PCLO: variants seen among roughly 807,000 people sequenced by gnomAD.
PCLO encodes the protein piccolo presynaptic cytomatrix protein, also known as protein piccolo.
A neutral mutation model predicts 427.5 loss-of-function variants in PCLO; 82 were observed. The ratio of observed to expected loss-of-function variants is 0.19; its 90% CI spans 0.16 to 0.23. PCLO has a LOEUF of 0.23. PCLO is among the 10% of genes least tolerant of loss of function. The pLI, the probability that PCLO is intolerant of heterozygous loss-of-function variation, is 1.00. For synonymous variants in PCLO, 2,357 were observed against 2,155.4 expected (o/e 1.09, Z -2.59); for missense variants, 6,239 against 6,115.9 (o/e 1.02, Z -0.67).
In PCLO at chr7:83,145,328, G is replaced by C. The variant is rs1437917941; in HGVS notation, c.1893+9420C>G. ...GAAAAAACAAGTACTCTTAAACCTT[G>C]ATTTTTTTTAAACTAAGTATTCTGA... On this transcript the variant is annotated intron_variant, in intron 2 of 24. Transcript: ENST00000333891. 2.6e-5 allele frequency among the ~76,000 whole-genome samples: 4 copies of C among 152,060 alleles called. No individual in the cohort carries two copies. The South Asian group carries it at 8.3e-4, about 31-fold the overall frequency.
At chr7:82,987,338 TAAGTA>T (rs1261713434) in intron 3 of PCLO, among the ~76,000 whole-genome samples, 2 of 151,974 alleles carry the variant, frequency 1.3e-5, no homozygotes, top group African/African-American at 4.8e-5. Flanking sequence ...CTGGGGGACT[TAAGTA>T]AAGTAATGCA....
At chr7:82,941,760 C>T (rs2116385280) in intron 6 of PCLO, among the ~76,000 whole-genome samples, 1 of 152,172 alleles carries the variant, frequency 6.6e-6, no homozygotes, top group Non-Finnish European at 1.5e-5. Flanking sequence ...TCCAAATATA[C>T]CCCAAACTTT....
rs1484777010 is a variant in PCLO at position 83,162,530 on chromosome 7, C to A, written c.63G>T (p.Ala21=). The A allele has an allele frequency of 1.3e-6, 2 of 1,554,660 alleles. No individual in the cohort carries two copies. Among genetic ancestry groups the A allele is most frequent in the Non-Finnish European group, 1.7e-6 (2 of 1,150,412 alleles). ...GLPEGLAAAA[A]AGGGASGAGS... is the part of the protein sequence containing the mutation. ...CCGCCCCGCTAGCTCCTCCTCCAGC[C>A]GCTGCGGCCGCCGCCAGCCCTTCGG... is the stretch of plus-strand genomic sequence containing the variant. The change falls in exon 1 of 25, where the codon GCG becomes GCT. Residue 21 remains alanine, a synonymous_variant. Coordinates refer to ENST00000333891, the MANE Select transcript of PCLO (RefSeq NM_033026.6).
chr7:82,833,462 C>T (rs1316405508), intron 16 of PCLO, among the ~76,000 whole-genome samples: 1 of 152,066 alleles, frequency 6.6e-6, no homozygotes, highest in African/African-American at 2.4e-5. Flanking sequence ...CTTATCTTGC[C>T]TGACATTTTG....
intron 3 of PCLO, among the ~76,000 whole-genome samples, chr7:83,077,783 A>G (rs1392411511): frequency 6.6e-6 from 1 of 152,100 alleles, no homozygotes; most frequent in African/African-American, 2.4e-5. Flanking sequence ...ATTGTTTTCT[A>G]TAAAAGTCAG....
At chr7:82,914,585 C>A in intron 7 of PCLO, 101 bp downstream of exon 7, 1 of 1,182,690 alleles carries the variant, frequency 8.5e-7, no homozygotes, top group East Asian at 2.5e-5. Context: ...AAAGACACAC[C>A]AAGAAAAGTA....
chr7:83,162,794 C>A lies in PCLO; in HGVS notation c.-202G>T. ...TCGCAGGTAACGCCCGCTGCCGGTG[C>A]CTCCTCCATGTTGGACAGCGCCAGG... On this transcript the variant is annotated 5_prime_UTR_variant, in exon 1 of 25. Coordinates refer to ENST00000333891, the MANE Select transcript of PCLO (RefSeq NM_033026.6). 1.5e-6 allele frequency: 1 copy of A among 646,616 alleles called. No homozygotes were observed. The highest frequency in any genetic ancestry group is 2.6e-6 in the Non-Finnish European group (1 of 390,714). The allele number at this position is 646,616 out of a possible 1,614,324, so 40.1% of individuals were successfully genotyped here.
intron 3 of PCLO, among the ~76,000 whole-genome samples, chr7:83,019,793 T>C (rs542158446): frequency 1.3e-5 from 2 of 152,204 alleles, no homozygotes; most frequent in South Asian, 4.1e-4. Flanking sequence ...TTCTACAGAA[T>C]AAATTATGAC....
Position 82,953,154 on chromosome 7 carries a change from G to A in PCLO, c.7799C>T (p.Ala2600Val). Residue 2600 changes from alanine (A) to valine (V), a missense_variant, in exon 5 of 25, where the codon GCA becomes GTA. Transcript: ENST00000333891. Reference protein sequence around the residue: ...GTPTDSSASQAITSWPLGSPS... With the variant: ...GTPTDSSASQVITSWPLGSPS... The stretch of plus-strand genomic sequence containing the variant: ...TGATCCCAAGGGCCAACTGGTAATT[G>A]CTTGACTAGCAGAAGAATCTGTTGG... 6.2e-7 allele frequency: 1 copy of A among 1,613,992 alleles called. No homozygotes were observed. Among genetic ancestry groups the A allele is most frequent in the Non-Finnish European group, 8.5e-7 (1 of 1,179,882 alleles).
chr7:82,818,077 A>G (rs1791713345), intron 20 of PCLO, among the ~76,000 whole-genome samples: 1 of 136,558 alleles, frequency 7.3e-6, no homozygotes, highest in Non-Finnish European at 1.6e-5. Flanking sequence ...AACCAAACCA[A>G]CTAGCATGGG....
rs1021317805 is a variant in PCLO at position 82,916,848 on chromosome 7, G to C, written c.11138C>G (p.Ser3713Cys). The change falls in exon 7 of 25, where the codon TCC (serine) becomes TGC (cysteine). Residue 3713 changes from serine to cysteine, a missense_variant. Ser to Cys is a moderately radical substitution (Grantham distance 112, BLOSUM62 -1). Around this residue, in one of 5 missense-constraint regions of PCLO, gnomAD observed 4,677 missense variants for 4,468.4 expected, o/e 1.05. Transcript: ENST00000333891. Reference sequence around the variant, plus strand: ...TTTAACTTTTTTCTGGGCTCCAGAGGATGTCATGGTTTGAGAACCTTTAGT... The same window carrying C: ...TTTAACTTTTTTCTGGGCTCCAGAGCATGTCATGGTTTGAGAACCTTTAGT... ...YTTKGSQTMT[S>C]SGAQKKVKRT... 1.2e-6 allele frequency: 2 copies of C among 1,612,994 alleles called. No individual in the cohort carries two copies. Among genetic ancestry groups the C allele is most frequent in the Non-Finnish European group, 1.7e-6 (2 of 1,179,274 alleles).
chr7:82,891,967 G>A (rs1317745765), intron 9 of PCLO, among the ~76,000 whole-genome samples: 1 of 152,068 alleles, frequency 6.6e-6, no homozygotes, highest in Non-Finnish European at 1.5e-5. Flanking sequence ...CTCATGGGTA[G>A]GAAGAATCAA....
At chr7:82,819,977 A>T (rs1791756131) in intron 20 of PCLO, among the ~76,000 whole-genome samples, 2 of 152,208 alleles carry the variant, frequency 1.3e-5, no homozygotes, top group Non-Finnish European at 1.5e-5. Context: ...AGATAATTGT[A>T]TAATCACCCT....
At chr7:82,821,530 T>C in intron 20 of PCLO, 1 of 983,912 alleles carries the variant, frequency 1.0e-6, no homozygotes, top group Non-Finnish European at 1.2e-6. Context: ...GCCTGGCTAA[T>C]GCCTTTTAGA....
intron 9 of PCLO, 50 bp from the exon 10 acceptor site, chr7:82,879,512 T>C (rs760166311): frequency 1.4e-6 from 2 of 1,391,430 alleles, no homozygotes; most frequent in East Asian, 4.9e-5. Context: ...GAAGGGACAA[T>C]AGTTATCACA....
rs1788223438 is a variant in PCLO at position 83,016,916 on chromosome 7, A to G, written c.3301-50429T>C. Among the ~76,000 whole-genome samples the G allele has an allele frequency of 2.0e-5, 3 of 152,190 alleles. No individual in the cohort carries two copies. The Middle Eastern group carries it at 0.01, about 518-fold the overall frequency. ...AGATAGCAGAGCCAATGGCAATTCA[A>G]ATGCCTTATGTAGTGCCTTAAACCA... On this transcript the variant is annotated intron_variant, in intron 3 of 24. Coordinates refer to ENST00000333891, the MANE Select transcript of PCLO (RefSeq NM_033026.6).
At chr7:82,965,232 ACTG>A (rs1364041353) in intron 4 of PCLO, among the ~76,000 whole-genome samples, 1 of 151,984 alleles carries the variant, frequency 6.6e-6, no homozygotes, top group Non-Finnish European at 1.5e-5. Context: ...TAAATATTAA[ACTG>A]CTTTGTGAAA....
chr7:82,943,114 A>G (rs938201104), intron 6 of PCLO, among the ~76,000 whole-genome samples: 7 of 152,178 alleles, frequency 4.6e-5, no homozygotes, highest in African/African-American at 1.2e-4. Flanking sequence ...AATAGACATT[A>G]AAGGATTCCA....
chr7:83,093,783 A>G (rs939510520), intron 3 of PCLO, among the ~76,000 whole-genome samples: 7 of 129,058 alleles, frequency 5.4e-5, no homozygotes, highest in African/African-American at 1.8e-4. Flanking sequence ...ATAAGCCACC[A>G]CGCCCGACCA....
Sources: allele counts gnomAD v4.1 joint callset (sites outside exome capture counted in the v4.1 genomes callset), GRCh38; gene constraint gnomAD v4.1.1; regional missense constraint gnomAD v4.1.1; transcripts MANE v1.5; gene names NCBI Gene and HGNC (gene_info 2026-07-23, HGNC 2026-07-21).